Variants in CYB5RL observed in about 807,000 individuals in gnomAD.
The protein encoded by CYB5RL is NADH-cytochrome b5 reductase-like.
Under a neutral mutation model 37.5 loss-of-function variants are expected in CYB5RL, and 38 were observed. The observed-to-expected ratio is 1.01, with a 90% CI of 0.78 to 1.33. The LOEUF is 1.33. Ranked by LOEUF, CYB5RL falls within the 40% of genes most tolerant of loss-of-function variation. The pLI, the probability that CYB5RL is intolerant of heterozygous loss-of-function variation, is 0.00. For missense variants in CYB5RL, 388 were observed against 394.4 expected (o/e 0.98, Z 0.14); for synonymous variants, 141 against 151.9 (o/e 0.93, Z 0.53).
intron 3 of CYB5RL, among the ~76,000 whole-genome samples, chr1:54,192,806 AG>A (rs1222684339): frequency 6.6e-6 from 1 of 151,756 alleles, no homozygotes; most frequent in Non-Finnish European, 1.5e-5. Context: ...CCCAGGCTGA[AG>A]TGCAGTGGTA....
Position 54,174,867 on chromosome 1 carries a change from G to T in CYB5RL, c.745-45C>A, listed in dbSNP as rs1402129374. On this transcript the variant is annotated intron_variant, in intron 7 of 7. Transcript: ENST00000534324. Reference sequence around the variant, plus strand: ...ATGGGTGACTACAAGGGAGCGGGGGGTCCTTAGTGTTCACACAGCCAGCTC... The same window carrying T: ...ATGGGTGACTACAAGGGAGCGGGGGTTCCTTAGTGTTCACACAGCCAGCTC... The T allele has an allele frequency of 2.5e-6, 4 of 1,580,492 alleles. No homozygotes were observed. The African/African-American group carries it at 5.4e-5, about 21-fold the overall frequency.
At chr1:54,194,026 A>G (rs561392239) in intron 3 of CYB5RL, among the ~76,000 whole-genome samples, 2 of 142,498 alleles carry the variant, frequency 1.4e-5, no homozygotes, top group South Asian at 4.4e-4. Flanking sequence ...TAATAATAAT[A>G]ATGATAATAA....
intron 6 of CYB5RL, among the ~76,000 whole-genome samples, chr1:54,183,683 G>A (rs1039972366): frequency 1.1e-4 from 17 of 151,604 alleles, no homozygotes; most frequent in Non-Finnish European, 1.8e-4. Flanking sequence ...TCATTTATAA[G>A]TGTCTACTCT....
At chr1:54,180,027 C>A (rs1462152456) in intron 6 of CYB5RL, 3 of 452,666 alleles carry the variant, frequency 6.6e-6, no homozygotes, top group Non-Finnish European at 8.8e-6. Flanking sequence ...GGGCGGATCA[C>A]TTAAGGTCAG....
chr1:54,183,767 G>A (rs1660221455), intron 6 of CYB5RL, among the ~76,000 whole-genome samples: 1 of 152,100 alleles, frequency 6.6e-6, no homozygotes, highest in African/African-American at 2.4e-5. Context: ...CCTGAGGTTG[G>A]GAGTTCATGA....
chr1:54,199,016 A>T (rs1189368006), intron 1 of CYB5RL, among the ~76,000 whole-genome samples: 1 of 152,112 alleles, frequency 6.6e-6, no homozygotes, highest in Non-Finnish European at 1.5e-5. Context: ...CATGAATTTT[A>T]AAGAGTTGGT....
In CYB5RL at chr1:54,184,187, C is replaced by T. The variant is rs201290519; in HGVS notation, c.514G>A (p.Gly172Arg). ...TGGTTTGGTTTATAGAAGAAATCTCCGAAAGGTCCTCGCCAGAAAGCTGTG... is the reference window on the plus strand; with the variant it reads ...TGGTTTGGTTTATAGAAGAAATCTCTGAAAGGTCCTCGCCAGAAAGCTGTG... ...GDTAFWRGPFGDFFYKPNQYG... is the reference protein window; with the variant it reads ...GDTAFWRGPFRDFFYKPNQYG... The change falls in exon 6 of 8, where the codon GGA becomes AGA. Residue 172 changes from glycine to arginine, a missense_variant. By Grantham distance (125) the Gly-to-Arg change is moderately radical (BLOSUM62 -2). Coordinates refer to ENST00000534324, the MANE Select transcript of CYB5RL (RefSeq NM_001031672.4). 56 of 1,613,498 alleles carry T rather than the reference C, an allele frequency of 3.5e-5. No individual in the cohort carries two copies. Among genetic ancestry groups the T allele is most frequent in the African/African-American group, 1.6e-4 (12 of 74,988 alleles).
chr1:54,177,457 C>T (rs966667731), intron 7 of CYB5RL, among the ~76,000 whole-genome samples: 1 of 152,172 alleles, frequency 6.6e-6, no homozygotes, highest in Non-Finnish European at 1.5e-5. Flanking sequence ...CTTGGTAAAG[C>T]CATCCCTGAC....
At position 54,174,774 on chromosome 1, in the gene CYB5RL, A is replaced by G; in HGVS notation, c.793T>C (p.Phe265Leu). 6.2e-7 allele frequency: 1 copy of G among 1,613,972 alleles called. No homozygotes were observed. Residue 265 changes from phenylalanine to leucine, a missense_variant, in exon 8 of 8, where the codon TTT becomes CTT. Phe to Leu is a conservative substitution (Grantham distance 22). Transcript: ENST00000534324. ...LPWSYQEKTHFGHLGQDLIKE... is the reference protein window; with the variant it reads ...LPWSYQEKTHLGHLGQDLIKE... ...ATTAGGTCCTGGCCCAGGTGGCCAAAGTGGGTTTTCTCTTGGTAACTCCAG... is the reference window on the plus strand; with the variant it reads ...ATTAGGTCCTGGCCCAGGTGGCCAAGGTGGGTTTTCTCTTGGTAACTCCAG...
chr1:54,185,629 G>T (rs1052785708), intron 5 of CYB5RL: 6 of 152,248 alleles, frequency 3.9e-5, no homozygotes, highest in African/African-American at 1.4e-4. Context: ...GGCTCAACTG[G>T]AAGGGGTCTA....
At position 54,197,959 on chromosome 1, in the gene CYB5RL, C is replaced by T. The variant is rs186182834; in HGVS notation, c.-222-1468G>A. Among the ~76,000 whole-genome samples, 78 of 132,870 alleles carry T rather than the reference C, an allele frequency of 5.9e-4. 1 individual carries two copies. Among genetic ancestry groups the T allele is most frequent in the African/African-American group, 1.9e-3 (66 of 34,730 alleles). The allele number at this position is 132,870 out of a possible 152,430, so 87.2% of individuals were successfully genotyped here. A position where few individuals can be genotyped will look rare whatever the true frequency, so the allele number is the denominator to read the frequency against. On this transcript the variant is annotated intron_variant, in intron 1 of 7. Coordinates refer to ENST00000534324, the MANE Select transcript of CYB5RL (RefSeq NM_001031672.4). ...AGGAGAATGGCGTGAACCCAGGAGG[C>T]GGAGGCTGCAGTGAGCTGAGATTGC... is the stretch of plus-strand genomic sequence containing the variant.
chr1:54,179,186 C>T lies in CYB5RL; in HGVS notation c.707G>A (p.Arg236His), dbSNP rs61738851. 151,020 of 1,613,326 alleles carry T rather than the reference C, an allele frequency of 0.094. 7,830 individuals carry two copies. The highest frequency in any genetic ancestry group is 0.11 in the South Asian group (9,951 of 90,838). ...AAAGAAGGTACGGACATTCCAGAAA[C>T]GGGCCTGCTCTTGGAGGAAGGTTTT... ...YLKTFLQEQA[R>H]FWNVRTFFVL... The change falls in exon 7 of 8, where the codon CGT (arginine) becomes CAT (histidine). Residue 236 changes from arginine to histidine, a missense_variant. By Grantham distance (29) the Arg-to-His change is conservative. Transcript: ENST00000534324.
chr1:54,184,609 C>T (rs977598004), intron 5 of CYB5RL: 2 of 180,680 alleles, frequency 1.1e-5, no homozygotes, highest in African/African-American at 2.3e-5. Flanking sequence ...ACAGTCTCAG[C>T]ATCAGGGAGA....
chr1:54,171,503 T>A lies in CYB5RL; in HGVS notation c.*3116A>T. Reference sequence around the variant, plus strand: ...AACACAGAAGTGACGTTGGTAAACATGGTGAGGGCTGAACTAAAGCCAATG... The same window carrying A: ...AACACAGAAGTGACGTTGGTAAACAAGGTGAGGGCTGAACTAAAGCCAATG... On this transcript the variant is annotated 3_prime_UTR_variant, in exon 8 of 8. Coordinates refer to ENST00000534324, the MANE Select transcript of CYB5RL (RefSeq NM_001031672.4). 2.2e-6 allele frequency: 1 copy of A among 446,694 alleles called. No homozygotes were observed. The highest frequency in any genetic ancestry group is 4.5e-6 in the Non-Finnish European group (1 of 220,964). The allele number at this position is 446,694 out of a possible 1,614,324, so 27.7% of individuals were successfully genotyped here. A position where few individuals can be genotyped will look rare whatever the true frequency, so the allele number is the denominator to read the frequency against.
rs781738867 is a variant in CYB5RL at position 54,195,638 on chromosome 1, GA to G, written c.-23del. ...TCATCAGTGGGGCTTGGGCAGCCTA[GA>G]AGGAACAACTGGGTGCTCTTCCAGA... On this transcript the variant is annotated 5_prime_UTR_variant, in exon 3 of 8. Transcript: ENST00000534324. The G allele has an allele frequency of 1.3e-6, 2 of 1,587,566 alleles. No homozygotes were observed. Among genetic ancestry groups the G allele is most frequent in the South Asian group, 2.3e-5 (2 of 87,306 alleles).
At chr1:54,196,902 G>A (rs547668755) in intron 1 of CYB5RL, among the ~76,000 whole-genome samples, 29 of 152,330 alleles carry the variant, frequency 1.9e-4, no homozygotes, top group African/African-American at 6.5e-4. Flanking sequence ...AGAATGAGAA[G>A]ACAGGGGTCA....
intron 6 of CYB5RL, chr1:54,180,107 C>G: frequency 2.3e-6 from 1 of 433,772 alleles, no homozygotes; most frequent in Non-Finnish European, 4.6e-6. Flanking sequence ...CGTGGTGGTG[C>G]ACGCCTGTAG....
At chr1:54,196,062 G>A (rs952709553) in intron 2 of CYB5RL, among the ~76,000 whole-genome samples, 12 of 152,194 alleles carry the variant, frequency 7.9e-5, no homozygotes, top group African/African-American at 2.4e-4. Flanking sequence ...GCATAGCTTG[G>A]CATATGGAAG....
At chr1:54,199,802 G>T (rs1394270415) in intron 1 of CYB5RL, among the ~76,000 whole-genome samples, 174 bp downstream of exon 1, 1 of 152,184 alleles carries the variant, frequency 6.6e-6, no homozygotes, top group African/African-American at 2.4e-5. Context: ...TCGCAGCAGC[G>T]CGCTGTACAG....
Sources: gnomAD v4.1 joint callset for allele counts (sites outside exome capture counted in the v4.1 genomes callset) on GRCh38, gnomAD v4.1.1 for gene constraint, MANE v1.5 for transcripts, NCBI Gene and HGNC (gene_info 2026-07-23, HGNC 2026-07-21) for gene names.